The following ACO1 variants were observed in gnomAD, a reference collection of about 807,000 sequenced individuals.
ACO1 encodes cytoplasmic aconitate hydratase.
ACO1 carries 78 observed loss-of-function variants against 105.1 expected under a neutral mutation model. The observed-to-expected ratio is 0.74, with a 90% CI of 0.62 to 0.90. The LOEUF is 0.90. Among genes scored for constraint, ACO1 ranks in the 40% least tolerant of loss-of-function variants. The pLI, the probability that ACO1 is intolerant of heterozygous loss-of-function variation, is 0.00. For synonymous variants in ACO1, 364 were observed against 397.4 expected (o/e 0.92, Z 1.00); for missense variants, 965 against 1,111.1 (o/e 0.87, Z 1.87).
Position 32,424,603 on chromosome 9 carries a change from C to T in ACO1, c.1126C>T (p.Pro376Ser). 1.2e-6 allele frequency: 2 copies of T among 1,614,040 alleles called. No individual in the cohort carries two copies. Among genetic ancestry groups the T allele is most frequent in the Non-Finnish European group, 1.7e-6 (2 of 1,179,982 alleles). ...GCCTTGCTGTAGTGGACCCAAAAGGCCTCAGGACAAAGTTGCTGTGTCCGA... is the reference window on the plus strand; with the variant it reads ...GCCTTGCTGTAGTGGACCCAAAAGGTCTCAGGACAAAGTTGCTGTGTCCGA... ...VVPCCSGPKRPQDKVAVSDMK... is the reference protein window; with the variant it reads ...VVPCCSGPKRSQDKVAVSDMK... The change falls in exon 10 of 21, where the codon CCT (proline) becomes TCT (serine). Residue 376 changes from proline (P) to serine (S), a missense_variant. Physicochemically the swap from Pro to Ser is moderately conservative, Grantham distance 74. Coordinates refer to ENST00000309951, the MANE Select transcript of ACO1 (RefSeq NM_002197.3).
At chr9:32,436,223 C>A in intron 17 of ACO1, 27 bp from the exon 18 acceptor site, 1 of 1,613,416 alleles carries the variant, frequency 6.2e-7, no homozygotes, top group Non-Finnish European at 8.5e-7. Flanking sequence ...TTCACTAAGC[C>A]AGCTCCTTTC....
At chr9:32,407,166 G>T in intron 2 of ACO1, 95 bp from the exon 3 acceptor site, 1 of 1,123,552 alleles carries the variant, frequency 8.9e-7, no homozygotes, top group Non-Finnish European at 1.3e-6. Flanking sequence ...AGAATAGTCT[G>T]ATGCCTCATA....
At chr9:32,430,673 TC>T (rs1253001843) in intron 14 of ACO1, 99 bp downstream of exon 14, 1 of 1,295,724 alleles carries the variant, frequency 7.7e-7, no homozygotes, top group African/African-American at 1.5e-5. Context: ...GCATAGAGCC[TC>T]CAGGGATAAG....
intron 19 of ACO1, among the ~76,000 whole-genome samples, chr9:32,446,091 T>A (rs1376118946): frequency 6.6e-6 from 1 of 152,174 alleles, no homozygotes; most frequent in Admixed American, 6.5e-5. Flanking sequence ...ATTCTACTGA[T>A]TTGGGGTAGA....
intron 1 of ACO1, among the ~76,000 whole-genome samples, chr9:32,390,247 T>C (rs1370315112): frequency 6.6e-6 from 1 of 152,250 alleles, no homozygotes; most frequent in Non-Finnish European, 1.5e-5. Context: ...ATCTTAAAAC[T>C]GTTCTGCCCT....
In ACO1 at chr9:32,420,996, T is replaced by C. The variant is rs546518501; in HGVS notation, c.939T>C (p.Asp313=). The C allele has an allele frequency of 3.1e-6, 5 of 1,614,086 alleles. No homozygotes were observed. In the African/African-American group the frequency reaches 6.7e-5, roughly 22 times the overall value. Residue 313 remains aspartate, a synonymous_variant, in exon 8 of 21, where the codon GAT becomes GAC. Coordinates refer to ENST00000309951, the MANE Select transcript of ACO1 (RefSeq NM_002197.3). ...YGATAAFFPV[D]EVSITYLVQT... The stretch of plus-strand genomic sequence containing the variant: ...CAACTGCTGCCTTTTTCCCAGTTGA[T>C]GAAGTTAGTATCACGTACCTGGTGC...
intron 4 of ACO1, among the ~76,000 whole-genome samples, chr9:32,410,301 G>C (rs563571844): frequency 6.6e-6 from 1 of 152,334 alleles, no homozygotes; most frequent in South Asian, 2.1e-4. Flanking sequence ...GCTCACGCCT[G>C]TAATCCCAGC....
chr9:32,445,610 T>G (rs1260861755), intron 19 of ACO1: 3 of 301,996 alleles, frequency 9.9e-6, no homozygotes, highest in African/African-American at 2.3e-5. Flanking sequence ...TGTCTCTGTC[T>G]CCTTCAGTTC....
chr9:32,443,106 T>C (rs1822519087), intron 19 of ACO1, among the ~76,000 whole-genome samples: 1 of 152,120 alleles, frequency 6.6e-6, no homozygotes, highest in South Asian at 2.1e-4. Context: ...AGCTTATAAT[T>C]TGGGGTAGGG....
chr9:32,419,002 A>G (rs1182062849), intron 6 of ACO1, 36 bp from the exon 7 acceptor site: 1 of 1,541,736 alleles, frequency 6.5e-7, no homozygotes, highest in Admixed American at 1.9e-5. Context: ...GTAAGGGGTA[A>G]TGAAGGCATT....
rs1170140041 is a variant in ACO1, at chr9:32,430,496, T to A, written c.1648T>A (p.Tyr550Asn). The change falls in exon 14 of 21, where the codon TAT becomes AAT. Residue 550 changes from tyrosine to asparagine, a missense_variant. Tyr to Asn is a moderately radical substitution (Grantham distance 143). Coordinates refer to ENST00000309951, the MANE Select transcript of ACO1 (RefSeq NM_002197.3). ...GRVHPNTRAN[Y>N]LASPPLVIAY... ...AGTTCACCCCAACACCCGGGCCAAC[T>A]ATTTAGCCTCTCCCCCCTTAGTAAT... 6.2e-7 allele frequency: 1 copy of A among 1,612,114 alleles called. No individual in the cohort carries two copies. The highest frequency in any genetic ancestry group is 8.5e-7 in the Non-Finnish European group (1 of 1,179,368).
intron 6 of ACO1, 39 bp downstream of exon 6, chr9:32,418,550 C>A (rs1821902691): frequency 6.4e-7 from 1 of 1,560,312 alleles, no homozygotes; most frequent in Non-Finnish European, 8.7e-7. Flanking sequence ...GGGGCATGCA[C>A]TTTAATTCAC....
intron 19 of ACO1, among the ~76,000 whole-genome samples, chr9:32,444,388 A>G (rs1032884505): frequency 3.9e-5 from 6 of 152,186 alleles, no homozygotes; most frequent in African/African-American, 1.4e-4. Flanking sequence ...TACATCCTTA[A>G]GGAATCGCCA....
chr9:32,419,455 C>T (rs1821923221), intron 7 of ACO1, among the ~76,000 whole-genome samples: 1 of 152,218 alleles, frequency 6.6e-6, no homozygotes, highest in Non-Finnish European at 1.5e-5. Flanking sequence ...AGATGGCATT[C>T]ATATGCCCAC....
At position 32,434,632 on chromosome 9, in the gene ACO1, C is replaced by T; in HGVS notation, c.2030C>T (p.Thr677Ile). The change falls in exon 17 of 21, where the codon ACT becomes ATT. Residue 677 changes from threonine to isoleucine, a missense_variant. Coordinates refer to ENST00000309951, the MANE Select transcript of ACO1 (RefSeq NM_002197.3). ...CTAAATTTGGGAGATTCGGTAACAA[C>T]TGACCACATCTCCCCAGCTGGAAAT... is the stretch of plus-strand genomic sequence containing the variant. ...VLLNLGDSVT[T>I]DHISPAGNIA... 6.2e-7 allele frequency: 1 copy of T among 1,614,114 alleles called. No homozygotes were observed. The highest frequency in any genetic ancestry group is 8.5e-7 in the Non-Finnish European group (1 of 1,179,988).
At chr9:32,406,922 T>G (rs1293793688) in intron 2 of ACO1, among the ~76,000 whole-genome samples, 1 of 152,204 alleles carries the variant, frequency 6.6e-6, no homozygotes, top group East Asian at 1.9e-4. Flanking sequence ...TAGCTGGGAC[T>G]ACAGGCACAC....
rs1554664991 is a variant in ACO1 at position 32,452,977 on chromosome 9, C to CCAAA, written c.*2866_*2867insCAAA. 5.4e-5 allele frequency: 5 copies of CCAAA among 91,920 alleles called. No individual in the cohort carries two copies. Among genetic ancestry groups the CCAAA allele is most frequent in the Non-Finnish European group, 8.5e-5 (4 of 47,330 alleles). The allele number at this position is 91,920 out of a possible 1,614,324, so 5.7% of individuals were successfully genotyped here. On this transcript the variant is annotated 3_prime_UTR_variant, in exon 21 of 21. Coordinates refer to ENST00000309951, the MANE Select transcript of ACO1 (RefSeq NM_002197.3). ...AATCAATCACCACCCCCCCCCCCCCCAAAAAAAAAAGTATCTTGGCCAGTG... is the reference window on the plus strand; with the variant it reads ...AATCAATCACCACCCCCCCCCCCCCCCAAAAAAAAAAAAAGTATCTTGGCCAGTG...
intron 19 of ACO1, among the ~76,000 whole-genome samples, 180 bp from the exon 20 acceptor site, chr9:32,448,716 C>T (rs754825834): frequency 6.6e-5 from 10 of 152,204 alleles, no homozygotes; most frequent in African/African-American, 1.9e-4. Flanking sequence ...TGAGATGAAC[C>T]GGGTACCTCA....
At chr9:32,393,024 G>T (rs999784523) in intron 1 of ACO1, among the ~76,000 whole-genome samples, 6 of 152,138 alleles carry the variant, frequency 3.9e-5, no homozygotes, top group Non-Finnish European at 8.8e-5. Context: ...ACCCTGTGAT[G>T]ATTGTGTTAA....
Sources: gnomAD v4.1 joint callset for allele counts (sites outside exome capture counted in the v4.1 genomes callset) on GRCh38, gnomAD v4.1.1 for gene constraint, MANE v1.5 for transcripts, NCBI Gene and HGNC (gene_info 2026-07-23, HGNC 2026-07-21) for gene names.